The following CPPED1 variants were observed in gnomAD, a reference collection of about 807,000 sequenced individuals.
The protein encoded by CPPED1 is serine/threonine-protein phosphatase CPPED1.
A neutral mutation model predicts 28.0 loss-of-function variants in CPPED1; 28 were observed. The observed-to-expected ratio is 1.00, with a 90% CI of 0.74 to 1.37. CPPED1 has a LOEUF of 1.37. CPPED1 is among the 40% of genes most tolerant of loss of function. The pLI is 0.00. For synonymous variants in CPPED1, 198 were observed against 180.2 expected, an observed-to-expected ratio of 1.10 and a Z score of -0.79; for missense variants, 504 against 416.5, an observed-to-expected ratio of 1.21 and a Z score of -1.83.
At chr16:12,665,639 A>T (rs941065939) in intron 3 of CPPED1, among the ~76,000 whole-genome samples, 12 of 151,938 alleles carry the variant, frequency 7.9e-5, no homozygotes, top group African/African-American at 2.2e-4. Context: ...CAAAAATATA[A>T]AAAAAAATGA....
chr16:12,670,579 A>G lies in CPPED1; in HGVS notation c.716-5464T>C, dbSNP rs576699842. ...ACCAAAAGCGATAAGTCACATGATTAGTATGTGCTCTTGATATGAATGTGA... is the reference window on the plus strand; with the variant it reads ...ACCAAAAGCGATAAGTCACATGATTGGTATGTGCTCTTGATATGAATGTGA... On this transcript the variant is annotated intron_variant, in intron 3 of 3. Transcript: ENST00000381774. This position sits in a 1 kb window ranked among gnomAD's most constrained non-coding sequence, Gnocchi z 4.2. 2.0e-5 allele frequency among the ~76,000 whole-genome samples: 3 copies of G among 152,296 alleles called. No homozygotes were observed. The highest frequency in any genetic ancestry group is 6.5e-5 in the Admixed American group (1 of 15,282).
At chr16:12,757,996 T>C (rs984071080) in intron 2 of CPPED1, among the ~76,000 whole-genome samples, 1 of 152,028 alleles carries the variant, frequency 6.6e-6, no homozygotes, top group African/African-American at 2.4e-5. Flanking sequence ...TGGCTGTCCC[T>C]GCTTCTCCAG....
chr16:12,784,421 C>T (rs2080550614), intron 1 of CPPED1, among the ~76,000 whole-genome samples: 1 of 152,100 alleles, frequency 6.6e-6, no homozygotes, highest in Non-Finnish European at 1.5e-5. Flanking sequence ...TGACATGATA[C>T]ATATTTGCTT....
intron 1 of CPPED1, among the ~76,000 whole-genome samples, chr16:12,797,274 G>A: frequency 6.6e-6 from 1 of 152,180 alleles, no homozygotes; most frequent in Middle Eastern, 3.2e-3. Flanking sequence ...ATTTAGGCCA[G>A]GTGCGGTGGC....
intron 2 of CPPED1, among the ~76,000 whole-genome samples, chr16:12,716,691 A>G (rs2080108713): frequency 6.6e-6 from 1 of 152,256 alleles, no homozygotes; most frequent in South Asian, 2.1e-4. Context: ...CAGAGGCAGA[A>G]TCTGAGCAGG....
rs1216043951 is a variant in CPPED1 at position 12,663,626 on chromosome 16, G to GT, written c.*1259dup. On this transcript the variant is annotated 3_prime_UTR_variant, in exon 4 of 4. Transcript: ENST00000381774. Reference sequence around the variant, plus strand: ...TTATCTTTCCATTTAATTTCCCATGGTTTTGCTACGTTGACTAAACTCTGT... The same window carrying GT: ...TTATCTTTCCATTTAATTTCCCATGGTTTTTGCTACGTTGACTAAACTCTGT... 1 of 152,050 alleles carries GT rather than the reference G, an allele frequency of 6.6e-6. No homozygotes were observed. Among genetic ancestry groups the GT allele is most frequent in the Non-Finnish European group, 1.5e-5 (1 of 68,018 alleles). 9.4% of individuals were successfully genotyped at this position (152,050 alleles called of 1,614,324 possible).
At chr16:12,751,379 G>A (rs1473205219) in intron 2 of CPPED1, among the ~76,000 whole-genome samples, 1 of 139,478 alleles carries the variant, frequency 7.2e-6, no homozygotes, top group Non-Finnish European at 1.5e-5. Context: ...CAGGATAGAA[G>A]ATCCAACCAG....
chr16:12,742,353 T>A (rs761768968), intron 2 of CPPED1, among the ~76,000 whole-genome samples: 14 of 152,210 alleles, frequency 9.2e-5, no homozygotes, highest in Non-Finnish European at 1.5e-4. Context: ...TTTTAAACTA[T>A]CGGACAAGAT....
intron 2 of CPPED1, among the ~76,000 whole-genome samples, chr16:12,742,590 C>T (rs1416351842): frequency 6.6e-6 from 1 of 151,494 alleles, no homozygotes; most frequent in Non-Finnish European, 1.5e-5. Flanking sequence ...GATCAATGAC[C>T]ATTTATTGGG....
intron 2 of CPPED1, among the ~76,000 whole-genome samples, chr16:12,706,350 A>G (rs1313868225): frequency 1.3e-5 from 2 of 150,714 alleles, no homozygotes; most frequent in Non-Finnish European, 3.0e-5. Context: ...AACCCTTTAT[A>G]TTAGGTTGGT....
At chr16:12,746,187 C>A (rs1043446079) in intron 2 of CPPED1, among the ~76,000 whole-genome samples, 1 of 151,854 alleles carries the variant, frequency 6.6e-6, no homozygotes, top group Non-Finnish European at 1.5e-5. Context: ...CCAGCCTGGC[C>A]AACATGGAAA....
chr16:12,745,077 GA>G (rs1400995027), intron 2 of CPPED1, among the ~76,000 whole-genome samples: 2 of 152,020 alleles, frequency 1.3e-5, no homozygotes, highest in Non-Finnish European at 2.9e-5. Context: ...TATAGAGGGG[GA>G]AAAGAGACAA....
At chr16:12,762,103 T>G (rs990439571) in intron 2 of CPPED1, among the ~76,000 whole-genome samples, 2 of 152,154 alleles carry the variant, frequency 1.3e-5, no homozygotes, top group Non-Finnish European at 2.9e-5. Context: ...GTTACAGTCT[T>G]AAAATAAACA....
At chr16:12,688,921 A>AC (rs371998564) in intron 3 of CPPED1, among the ~76,000 whole-genome samples, 17 of 152,358 alleles carry the variant, frequency 1.1e-4, no homozygotes, top group African/African-American at 3.8e-4. Context: ...ATGTGGCCTT[A>AC]CTTACCAAGA....
chr16:12,676,076 G>A (rs561364927), intron 3 of CPPED1, among the ~76,000 whole-genome samples: 8 of 152,228 alleles, frequency 5.3e-5, no homozygotes, highest in East Asian at 3.9e-4. Flanking sequence ...ACTTTTCGTC[G>A]TCAATTGGGG....
At chr16:12,744,290 G>GC (rs1413411706) in intron 2 of CPPED1, among the ~76,000 whole-genome samples, 48 of 111,102 alleles carry the variant, frequency 4.3e-4, no homozygotes, top group African/African-American at 2.1e-3. Flanking sequence ...GAGAGAGAGA[G>GC]AGAGAGAAAG....
chr16:12,666,223 C>T (rs1596436137), intron 3 of CPPED1, among the ~76,000 whole-genome samples: 3 of 152,282 alleles, frequency 2.0e-5, no homozygotes, highest in Non-Finnish European at 2.9e-5. Flanking sequence ...GTGGATGAAA[C>T]GTAAAACAGA....
intron 2 of CPPED1, among the ~76,000 whole-genome samples, chr16:12,728,619 T>C (rs1457179813): frequency 6.6e-6 from 1 of 152,200 alleles, no homozygotes; most frequent in African/African-American, 2.4e-5. Flanking sequence ...ACTGAGCACT[T>C]TACTTGCATG....
intron 2 of CPPED1, among the ~76,000 whole-genome samples, chr16:12,741,407 G>A (rs1056241181): frequency 6.6e-6 from 1 of 151,542 alleles, no homozygotes; most frequent in Non-Finnish European, 1.5e-5. Context: ...CATTAGCGGT[G>A]ATAAAGGGAC....
Sources: gnomAD v4.1 joint callset for allele counts (sites outside exome capture counted in the v4.1 genomes callset) on GRCh38, gnomAD v4.1.1 for gene constraint, Gnocchi (gnomAD v3.1) non-coding constraint, MANE v1.5 for transcripts, NCBI Gene and HGNC (gene_info 2026-07-23, HGNC 2026-07-21) for gene names.